The following PTPRN2 variants were observed in gnomAD, a reference collection of about 807,000 sequenced individuals.
PTPRN2 encodes protein tyrosine phosphatase receptor type N2.
A neutral mutation model predicts 118.8 loss-of-function variants in PTPRN2; 74 were observed. That is an observed-to-expected ratio of 0.62 (90% CI 0.52 to 0.76). The LOEUF is 0.76. PTPRN2 is among the 30% of genes least tolerant of loss of function. The probability of loss-of-function intolerance (pLI) is 0.00; values close to 1 mark genes in which losing one functional copy is unlikely to be tolerated. For synonymous variants in PTPRN2, 641 were observed against 608.0 expected, an observed-to-expected ratio of 1.05 and a Z score of -0.80; for missense variants, 1,481 against 1,394.4, an observed-to-expected ratio of 1.06 and a Z score of -0.99.
At chr7:158,283,684 C>T (rs571345458) in intron 3 of PTPRN2, among the ~76,000 whole-genome samples, 249 of 152,268 alleles carry the variant, frequency 1.6e-3, no homozygotes, top group African/African-American at 5.7e-3. Context: ...TCACCCCACC[C>T]GCAGCCCTAG....
chr7:158,313,449 G>A (rs1053200268), intron 3 of PTPRN2, among the ~76,000 whole-genome samples: 1 of 152,194 alleles, frequency 6.6e-6, no homozygotes, highest in African/African-American at 2.4e-5. Context: ...GATGGAGCTG[G>A]GCAGAGGGCT....
At chr7:158,186,182 T>C (rs1004501508) in intron 5 of PTPRN2, among the ~76,000 whole-genome samples, 4 of 152,244 alleles carry the variant, frequency 2.6e-5, no homozygotes, top group Non-Finnish European at 5.9e-5. Context: ...TTCCTGTGAC[T>C]GGCTTCTGCT....
At chr7:158,185,685 T>C (rs544673395) in intron 5 of PTPRN2, among the ~76,000 whole-genome samples, 23 of 152,330 alleles carry the variant, frequency 1.5e-4, no homozygotes, top group African/African-American at 5.5e-4. Context: ...CTTTCGAGTT[T>C]CCATCGTACA....
intron 3 of PTPRN2, among the ~76,000 whole-genome samples, chr7:158,277,871 T>G (rs1015066333): frequency 1.3e-5 from 2 of 152,190 alleles, no homozygotes; most frequent in African/African-American, 4.8e-5. Context: ...TGGCTTCTCC[T>G]GTCTGGCATC....
At position 158,192,354 on chromosome 7, in the gene PTPRN2, A is replaced by T; in HGVS notation, c.522T>A (p.His174Gln). ...CAGCGGGGGGTCTGTCCTGCGCCGT[A>T]TGGGTCCTGGCGAGCACGTCTGAGG... is the stretch of plus-strand genomic sequence containing the variant. ...APASDVLARTHTAQDRPPAEG... is the reference protein window; with the variant it reads ...APASDVLARTQTAQDRPPAEG... The change falls in exon 5 of 23, where the codon CAT (histidine) becomes CAA (glutamine). Residue 174 changes from histidine (H) to glutamine (Q), a missense_variant. This residue lies in a region of PTPRN2 where 1,115 missense variants were observed against 994.2 expected (regional missense o/e 1.12). Coordinates refer to ENST00000389418, the MANE Select transcript of PTPRN2 (RefSeq NM_002847.5). The T allele has an allele frequency of 6.6e-7, 1 of 1,514,618 alleles. No individual in the cohort carries two copies. Among genetic ancestry groups the T allele is most frequent in the Non-Finnish European group, 8.7e-7 (1 of 1,144,000 alleles). 93.8% of individuals were successfully genotyped at this position (1,514,618 alleles called of 1,614,324 possible). A position where few individuals can be genotyped will look rare whatever the true frequency, so the allele number is the denominator to read the frequency against.
In PTPRN2 at chr7:158,175,298, C is replaced by T. The variant is rs76154468; in HGVS notation, c.550-8007G>A. Among the ~76,000 whole-genome samples, 1,015 of 152,296 alleles carry T rather than the reference C, an allele frequency of 6.7e-3. 11 individuals carry two copies. Among genetic ancestry groups the T allele is most frequent in the African/African-American group, 0.023 (971 of 41,578 alleles). ...GCTATTCACAGGCTTCCTAATGAGC[C>T]GGCACCGGATGCGGCCAGGTTTGGG... On this transcript the variant is annotated intron_variant, in intron 5 of 22. Transcript: ENST00000389418.
intron 12 of PTPRN2, among the ~76,000 whole-genome samples, chr7:157,696,380 C>T (rs1797776694): frequency 7.5e-6 from 1 of 134,068 alleles, no homozygotes; most frequent in African/African-American, 3.0e-5. Context: ...GTAGAGCCCT[C>T]ACCATCTACC....
chr7:157,890,244 C>T (rs1796721996), intron 12 of PTPRN2, among the ~76,000 whole-genome samples: 2 of 152,048 alleles, frequency 1.3e-5, no homozygotes, highest in Admixed American at 1.3e-4. Context: ...GACTCATTCA[C>T]CCTGCCTACC....
At chr7:158,160,375 G>C (rs1822251391) in intron 6 of PTPRN2, among the ~76,000 whole-genome samples, 1 of 152,160 alleles carries the variant, frequency 6.6e-6, no homozygotes, top group African/African-American at 2.4e-5. Flanking sequence ...TGCTGGGGCA[G>C]ACTTTCCTTC....
intron 1 of PTPRN2, among the ~76,000 whole-genome samples, chr7:158,497,224 G>A (rs78407226): frequency 0.011 from 727 of 64,522 alleles, 13 homozygotes; most frequent in African/African-American, 0.039. Context: ...TGTTCCCTGC[G>A]CCCCTCCCCC....
chr7:157,703,793 G>A (rs942459763), intron 12 of PTPRN2, among the ~76,000 whole-genome samples: 4 of 152,164 alleles, frequency 2.6e-5, no homozygotes, highest in Admixed American at 6.5e-5. Context: ...GAGACTGGCA[G>A]GTCAGGAGGC....
At chr7:157,623,580 A>G (rs1803392147) in intron 14 of PTPRN2, among the ~76,000 whole-genome samples, 1 of 152,250 alleles carries the variant, frequency 6.6e-6, no homozygotes, top group Middle Eastern at 3.2e-3. Context: ...AGCTATTTAA[A>G]TTCTCACATT....
At chr7:158,191,197 G>A (rs922791532) in intron 5 of PTPRN2, among the ~76,000 whole-genome samples, 11 of 152,172 alleles carry the variant, frequency 7.2e-5, no homozygotes, top group Non-Finnish European at 1.0e-4. Flanking sequence ...TCAATGGCTC[G>A]ATGGCAGGAA....
In PTPRN2 at chr7:158,522,406, C is replaced by CCGGGTGCTGGCT. The variant is rs1194842730; in HGVS notation, c.113-32622_113-32621insAGCCAGCACCCG. Among the ~76,000 whole-genome samples, 3 of 143,696 alleles carry CCGGGTGCTGGCT rather than the reference C, an allele frequency of 2.1e-5. 1 individual carries two copies. The highest frequency in any genetic ancestry group is 1.4e-4 in the Admixed American group (2 of 14,624). 94.3% of individuals were successfully genotyped at this position (143,696 alleles called of 152,430 possible). A position where few individuals can be genotyped will look rare whatever the true frequency, so the allele number is the denominator to read the frequency against. On this transcript the variant is annotated intron_variant, in intron 1 of 22. Coordinates refer to ENST00000389418, the MANE Select transcript of PTPRN2 (RefSeq NM_002847.5). ...GGTCCACGTCACAATGGTGGACTGT[C>CCGGGTGCTGGCT]CAGGTGCTGGCTCAGGGGGAAGGTC...
At chr7:158,402,433 G>A (rs1000419019) in intron 2 of PTPRN2, among the ~76,000 whole-genome samples, 3 of 152,092 alleles carry the variant, frequency 2.0e-5, no homozygotes, top group South Asian at 2.1e-4. Flanking sequence ...TGCACCCCAC[G>A]CCCTCTTCTC....
At position 157,764,935 on chromosome 7, in the gene PTPRN2, A is replaced by G. The variant is rs1448524455; in HGVS notation, c.1789-81998T>C. On this transcript the variant is annotated intron_variant, in intron 12 of 22. Transcript: ENST00000389418. This position sits in a 1 kb window ranked among gnomAD's most constrained non-coding sequence, Gnocchi z 4.5. ...TCCATCCATTGATCCATCCATATCC[A>G]TCCATCCATATCCATCCATCCACCC... Among the ~76,000 whole-genome samples the G allele has an allele frequency of 6.7e-6, 1 of 149,182 alleles. No individual in the cohort carries two copies. Among genetic ancestry groups the G allele is most frequent in the African/African-American group, 2.5e-5 (1 of 40,370 alleles).
chr7:158,112,252 G>A (rs1816343448), intron 9 of PTPRN2, among the ~76,000 whole-genome samples: 1 of 152,254 alleles, frequency 6.6e-6, no homozygotes. Context: ...GGGCTGTGGA[G>A]GGAAGGGCAG....
At chr7:158,317,309 A>G (rs1291421055) in intron 2 of PTPRN2, among the ~76,000 whole-genome samples, 1 of 152,250 alleles carries the variant, frequency 6.6e-6, no homozygotes, top group Non-Finnish European at 1.5e-5. Flanking sequence ...CCAGTTTTCC[A>G]GATGAAAAAC....
chr7:158,482,740 G>GT (rs1007911058), intron 2 of PTPRN2, among the ~76,000 whole-genome samples: 1 of 151,972 alleles, frequency 6.6e-6, no homozygotes, highest in African/African-American at 2.4e-5. Flanking sequence ...TAAATCAGTG[G>GT]TTTTTTTTAT....
Sources: gnomAD v4.1 joint callset for allele counts (sites outside exome capture counted in the v4.1 genomes callset) on GRCh38, gnomAD v4.1.1 for gene constraint, gnomAD v4.1.1 regional missense constraint, Gnocchi (gnomAD v3.1) non-coding constraint, MANE v1.5 for transcripts, NCBI Gene and HGNC (gene_info 2026-07-23, HGNC 2026-07-21) for gene names.